Variants in FAM151B observed in about 807,000 individuals in gnomAD.
The protein encoded by FAM151B is protein FAM151B.
FAM151B carries 24 observed loss-of-function variants against 31.2 expected under a neutral mutation model. The ratio of observed to expected loss-of-function variants is 0.77; its 90% CI spans 0.56 to 1.08. The LOEUF (loss-of-function observed/expected upper bound fraction) is 1.08. Ranked by LOEUF, FAM151B falls within the 50% of genes least tolerant of loss-of-function variation. FAM151B has a pLI of 0.00. For synonymous variants in FAM151B, 105 were observed against 111.4 expected, an observed-to-expected ratio of 0.94 and a Z score of 0.36; for missense variants, 293 against 328.6, an observed-to-expected ratio of 0.89 and a Z score of 0.84.
At chr5:80,495,837 A>G in intron 1 of FAM151B, among the ~76,000 whole-genome samples, 1 of 119,488 alleles carries the variant, frequency 8.4e-6, no homozygotes, top group African/African-American at 5.1e-5. Context: ...TCTCAAAAAA[A>G]AAAAAAAAAA....
At chr5:80,519,065 G>C (rs1744583927) in intron 3 of FAM151B, 1 of 152,024 alleles carries the variant, frequency 6.6e-6, no homozygotes, top group African/African-American at 2.4e-5. Flanking sequence ...TTTTAAATTT[G>C]AACTAAAATA....
Position 80,501,778 on chromosome 5 carries a change from C to T in FAM151B, c.26-14C>T, listed in dbSNP as rs368128803. The T allele has an allele frequency of 2.2e-5, 34 of 1,563,294 alleles. 1 individual carries two copies. In the African/African-American group the frequency reaches 4.1e-4, roughly 19 times the overall value. On this transcript the variant is annotated splice_polypyrimidine_tract_variant and intron_variant, in intron 1 of 5. Transcript: ENST00000282226. Reference sequence around the variant, plus strand: ...AAAACAATATCACTTTTCATGTAAACACTGTTATTTTAGGATCTTGGAGTG... The same window carrying T: ...AAAACAATATCACTTTTCATGTAAATACTGTTATTTTAGGATCTTGGAGTG...
At chr5:80,504,221 T>C (rs1743860281) in intron 2 of FAM151B, among the ~76,000 whole-genome samples, 1 of 152,238 alleles carries the variant, frequency 6.6e-6, no homozygotes, top group Non-Finnish European at 1.5e-5. Context: ...ACCAGAAATC[T>C]AGGAGTCATT....
At chr5:80,492,246 C>T (rs1743360026) in intron 1 of FAM151B, among the ~76,000 whole-genome samples, 1 of 151,322 alleles carries the variant, frequency 6.6e-6, no homozygotes, top group East Asian at 1.9e-4. Context: ...CTGTATTTTT[C>T]AATAGCATGT....
At chr5:80,523,492 C>T (rs1580444108) in intron 5 of FAM151B, among the ~76,000 whole-genome samples, 3 of 152,056 alleles carry the variant, frequency 2.0e-5, no homozygotes, top group South Asian at 2.1e-4. Flanking sequence ...TACTAATAGA[C>T]GTTCACATAA....
chr5:80,497,030 C>G (rs1260234302), intron 1 of FAM151B, among the ~76,000 whole-genome samples: 1 of 151,838 alleles, frequency 6.6e-6, no homozygotes, highest in Admixed American at 6.6e-5. Context: ...AGGCTGGTCT[C>G]GAACTCCTGA....
At chr5:80,505,551 C>T (rs569644089) in intron 2 of FAM151B, among the ~76,000 whole-genome samples, 4 of 151,852 alleles carry the variant, frequency 2.6e-5, no homozygotes, top group South Asian at 2.1e-4. Context: ...CCCGCCATCA[C>T]GCCTGGCTAA....
chr5:80,537,151 A>G (rs528616506), intron 5 of FAM151B, among the ~76,000 whole-genome samples: 3 of 152,302 alleles, frequency 2.0e-5, no homozygotes, highest in Non-Finnish European at 4.4e-5. Flanking sequence ...GTACCCCATA[A>G]ATATAAATAC....
At chr5:80,501,180 A>ATTT in intron 1 of FAM151B, 7 of 275,484 alleles carry the variant, frequency 2.5e-5, no homozygotes, top group East Asian at 8.9e-5. Flanking sequence ...CACCTGGCTA[A>ATTT]TTTTTTTTTT....
chr5:80,504,506 C>A (rs1468904072), intron 2 of FAM151B, among the ~76,000 whole-genome samples: 1 of 132,288 alleles, frequency 7.6e-6, no homozygotes, highest in Non-Finnish European at 1.6e-5. Flanking sequence ...CAGACTGCGA[C>A]TATTACTCTT....
At chr5:80,498,113 G>C (rs1052879696) in intron 1 of FAM151B, among the ~76,000 whole-genome samples, 3 of 152,176 alleles carry the variant, frequency 2.0e-5, no homozygotes, top group African/African-American at 7.2e-5. Flanking sequence ...CATATGTACT[G>C]TGATTTAATT....
At chr5:80,498,334 T>A (rs189966959) in intron 1 of FAM151B, among the ~76,000 whole-genome samples, 1,668 of 152,190 alleles carry the variant, frequency 0.011, 12 homozygotes, top group Middle Eastern at 0.024. Flanking sequence ...CTTTTTTTTT[T>A]AAATTCTGCA....
chr5:80,518,571 C>T (rs773266532), intron 3 of FAM151B, among the ~76,000 whole-genome samples: 2 of 152,238 alleles, frequency 1.3e-5, no homozygotes, highest in African/African-American at 4.8e-5. Context: ...GTTTATTAAT[C>T]CACTAAAATC....
chr5:80,541,634 C>T (rs766557488), intron 5 of FAM151B, 39 bp from the exon 6 acceptor site: 5 of 1,592,076 alleles, frequency 3.1e-6, no homozygotes, highest in Non-Finnish European at 4.3e-6. Context: ...TCGCTTTCTT[C>T]CACTTTTAAC....
At chr5:80,514,032 G>T (rs1285008315) in intron 3 of FAM151B, among the ~76,000 whole-genome samples, 1 of 152,132 alleles carries the variant, frequency 6.6e-6, no homozygotes. Context: ...AATTAAAAAT[G>T]CTACATATGT....
chr5:80,540,612 A>T (rs1745834232), intron 5 of FAM151B, among the ~76,000 whole-genome samples: 1 of 152,222 alleles, frequency 6.6e-6, no homozygotes, highest in African/African-American at 2.4e-5. Flanking sequence ...TTTTTACCTA[A>T]ATGCTCATAA....
In FAM151B at chr5:80,526,832, G is replaced by C. The variant is rs139511219; in HGVS notation, c.671+4694G>C. On this transcript the variant is annotated intron_variant, in intron 5 of 5. Coordinates refer to ENST00000282226, the MANE Select transcript of FAM151B (RefSeq NM_205548.3). Reference sequence around the variant, plus strand: ...ACAATGCCTGAGGACATTTTTGGTTGCCACACCAAAAGATGAGGGGTGGGG... The same window carrying C: ...ACAATGCCTGAGGACATTTTTGGTTCCCACACCAAAAGATGAGGGGTGGGG... Among the ~76,000 whole-genome samples, 502 of 152,080 alleles carry C rather than the reference G, an allele frequency of 3.3e-3. 4 individuals are homozygous for C. Among genetic ancestry groups the C allele is most frequent in the African/African-American group, 0.012 (482 of 41,494 alleles).
intron 1 of FAM151B, chr5:80,498,463 GTTT>G (rs1743627885): frequency 1.9e-6 from 1 of 538,344 alleles, no homozygotes; most frequent in Non-Finnish European, 3.3e-6. Flanking sequence ...TAGGTTTAAG[GTTT>G]TTGGTTTTTT....
intron 1 of FAM151B, among the ~76,000 whole-genome samples, chr5:80,497,268 A>C (rs1394712885): frequency 6.6e-6 from 1 of 152,124 alleles, no homozygotes; most frequent in Non-Finnish European, 1.5e-5. Context: ...TCTACTAAAA[A>C]TACAAAAAGC....
Sources: gnomAD v4.1 joint callset for allele counts (sites outside exome capture counted in the v4.1 genomes callset) on GRCh38, gnomAD v4.1.1 for gene constraint, MANE v1.5 for transcripts, NCBI Gene and HGNC (gene_info 2026-07-23, HGNC 2026-07-21) for gene names.